Variants in CRACDL observed in about 807,000 individuals in gnomAD.
CRACDL encodes CRACD-like protein.
CRACDL carries 26 observed loss-of-function variants against 70.6 expected under a neutral mutation model. The observed-to-expected ratio is 0.37, with a 90% CI of 0.27 to 0.51. CRACDL has a LOEUF of 0.51. Ranked by LOEUF, CRACDL falls within the 20% of genes least tolerant of loss-of-function variation. CRACDL has a pLI of 0.94. For missense variants in CRACDL, 1,283 were observed against 1,376.9 expected, an observed-to-expected ratio of 0.93 and a Z score of 1.08; for synonymous variants, 618 against 615.2, an observed-to-expected ratio of 1.00 and a Z score of -0.07.
At chr2:98,931,878 G>A (rs933278850) in intron 1 of CRACDL, among the ~76,000 whole-genome samples, 18 of 152,126 alleles carry the variant, frequency 1.2e-4, no homozygotes, top group East Asian at 5.8e-4. Flanking sequence ...ACTGGGCACC[G>A]ACAGAAACAG....
At chr2:98,870,998 G>A (rs1707325248) in intron 1 of CRACDL, among the ~76,000 whole-genome samples, 1 of 152,260 alleles carries the variant, frequency 6.6e-6, no homozygotes, top group South Asian at 2.1e-4. Context: ...AAGAGCAGGG[G>A]TAGCAAGACA....
intron 7 of CRACDL, among the ~76,000 whole-genome samples, chr2:98,805,109 C>T (rs1219913005): frequency 6.6e-6 from 1 of 152,138 alleles, no homozygotes; most frequent in African/African-American, 2.4e-5. Context: ...CACCATGGTC[C>T]ACAATCAGGA....
At chr2:98,892,715 T>A (rs921752449) in intron 1 of CRACDL, among the ~76,000 whole-genome samples, 1 of 151,988 alleles carries the variant, frequency 6.6e-6, no homozygotes, top group Non-Finnish European at 1.5e-5. Context: ...AAAATAAAAT[T>A]TTTTTAAAAA....
At chr2:98,853,165 C>T (rs1706553092) in intron 1 of CRACDL, among the ~76,000 whole-genome samples, 1 of 152,176 alleles carries the variant, frequency 6.6e-6, no homozygotes, top group Admixed American at 6.5e-5. Flanking sequence ...AAAACCACAA[C>T]AAGGCACATC....
At chr2:98,820,205 C>T (rs1288201677) in intron 7 of CRACDL, among the ~76,000 whole-genome samples, 1 of 151,968 alleles carries the variant, frequency 6.6e-6, no homozygotes, top group Non-Finnish European at 1.5e-5. Context: ...TGTGTAGTTT[C>T]ATTTTCTGGT....
intron 1 of CRACDL, among the ~76,000 whole-genome samples, chr2:98,914,264 G>T (rs997648331): frequency 6.6e-6 from 1 of 152,170 alleles, no homozygotes; most frequent in Non-Finnish European, 1.5e-5. Flanking sequence ...TGAGCAACTC[G>T]CAGGGTCCTG....
intron 2 of CRACDL, among the ~76,000 whole-genome samples, chr2:98,846,292 A>T (rs1706249064): frequency 6.6e-6 from 1 of 152,204 alleles, no homozygotes. Flanking sequence ...TCAGAACAAA[A>T]GTCATGAAGG....
At chr2:98,918,551 A>G (rs1708724613) in intron 1 of CRACDL, among the ~76,000 whole-genome samples, 1 of 145,222 alleles carries the variant, frequency 6.9e-6, no homozygotes, top group Non-Finnish European at 1.5e-5. Context: ...AAAAAAAAAA[A>G]AAAAAAAAAA....
intron 1 of CRACDL, among the ~76,000 whole-genome samples, chr2:98,885,814 A>G (rs1365959484): frequency 6.6e-6 from 1 of 152,226 alleles, no homozygotes; most frequent in Non-Finnish European, 1.5e-5. Flanking sequence ...AATGTGATTC[A>G]AAACACTTTA....
chr2:98,821,938 GC>G lies in CRACDL; in HGVS notation c.2334del (p.Asp781ThrfsTer73). On this transcript the variant is annotated frameshift_variant, in exon 7 of 10. Transcript: ENST00000397899. LOFTEE classifies it high-confidence loss of function. Reference protein sequence around the residue: ...LQSFTLPHQPAPPDAGPGERE... With the variant: ...LQSFTLPHQPXPPDAGPGERE... ...CGCTCTCCCGGGCCGGCGTCGGGGG[GC>G]GCGGGCTGGTGCGGGAGCGTGAAGC... 6.4e-7 allele frequency: 1 copy of G among 1,564,688 alleles called. No homozygotes were observed. The highest frequency in any genetic ancestry group is 1.2e-5 in the South Asian group (1 of 85,004).
chr2:98,888,565 T>C (rs1363012577), intron 1 of CRACDL, among the ~76,000 whole-genome samples: 3 of 152,052 alleles, frequency 2.0e-5, no homozygotes, highest in African/African-American at 7.2e-5. Flanking sequence ...CTAGAAAATA[T>C]CTGTTGAACA....
chr2:98,892,884 C>A (rs1708014853), intron 1 of CRACDL, among the ~76,000 whole-genome samples: 1 of 152,172 alleles, frequency 6.6e-6, no homozygotes. Flanking sequence ...CTTCCTCACA[C>A]TCTTACTAAA....
At chr2:98,925,100 G>T (rs1377320075) in intron 1 of CRACDL, among the ~76,000 whole-genome samples, 2 of 152,186 alleles carry the variant, frequency 1.3e-5, no homozygotes, top group African/African-American at 2.4e-5. Flanking sequence ...GCTGCTGCCA[G>T]TAGGGGCTGG....
intron 1 of CRACDL, among the ~76,000 whole-genome samples, chr2:98,887,403 G>C (rs907032123): frequency 1.3e-5 from 2 of 152,112 alleles, no homozygotes; most frequent in Non-Finnish European, 2.9e-5. Context: ...CAGAGGATTT[G>C]CTTGGGCCCT....
At chr2:98,832,198 C>T in intron 5 of CRACDL, 150 bp downstream of exon 5, 1 of 798,862 alleles carries the variant, frequency 1.3e-6, no homozygotes, top group Non-Finnish European at 2.1e-6. Flanking sequence ...ATAAACACAG[C>T]TCAAGGGCTG....
chr2:98,864,563 T>G (rs7571966), intron 1 of CRACDL, among the ~76,000 whole-genome samples: 2,644 of 152,090 alleles, frequency 0.017, 64 homozygotes, highest in African/African-American at 0.06. Context: ...TTTTTTTTTT[T>G]TGAGACGGAG....
intron 1 of CRACDL, among the ~76,000 whole-genome samples, chr2:98,927,747 T>A (rs1303567809): frequency 1.3e-5 from 2 of 152,164 alleles, no homozygotes; most frequent in East Asian, 3.8e-4. Context: ...TAATTAAACA[T>A]CCATCCCAGA....
At chr2:98,900,454 T>C (rs1315207772) in intron 1 of CRACDL, among the ~76,000 whole-genome samples, 1 of 151,616 alleles carries the variant, frequency 6.6e-6, no homozygotes, top group Non-Finnish European at 1.5e-5. Flanking sequence ...GGTACCCCTG[T>C]GGCAGAGGCA....
intron 1 of CRACDL, among the ~76,000 whole-genome samples, chr2:98,867,115 G>C (rs2104587961): frequency 6.6e-6 from 1 of 152,318 alleles, no homozygotes; most frequent in East Asian, 1.9e-4. Context: ...GCCACAACTT[G>C]CTGGGCTGCT....
Sources: gnomAD v4.1 joint callset for allele counts (sites outside exome capture counted in the v4.1 genomes callset) on GRCh38, gnomAD v4.1.1 for gene constraint, MANE v1.5 for transcripts, NCBI Gene and HGNC (gene_info 2026-07-23, HGNC 2026-07-21) for gene names.